Variants in ANKRD55 observed in about 807,000 individuals in gnomAD.
ANKRD55 encodes ankyrin repeat domain 55.
ANKRD55 carries 41 observed loss-of-function variants against 60.6 expected under a neutral mutation model. The ratio of observed to expected loss-of-function variants is 0.68; its 90% CI spans 0.53 to 0.88. The LOEUF (loss-of-function observed/expected upper bound fraction) is 0.88, where lower values mean the gene tolerates loss of function less well. ANKRD55 is among the 40% of genes least tolerant of loss of function. ANKRD55 has a pLI of 0.00. For synonymous variants in ANKRD55, 264 were observed against 290.3 expected (o/e 0.91, Z 0.92); for missense variants, 732 against 767.6 (o/e 0.95, Z 0.55).
At chr5:56,206,138 G>A (rs188839468) in intron 2 of ANKRD55, among the ~76,000 whole-genome samples, 2 of 151,688 alleles carry the variant, frequency 1.3e-5, no homozygotes, top group African/African-American at 4.8e-5. Flanking sequence ...ACCACGACTG[G>A]TTAATTTTTT....
chr5:56,111,487 T>C lies in ANKRD55; in HGVS notation c.1261A>G (p.Lys421Glu). ...AGCCCCTTACGGGCCAGCGGTTTCT[T>C]TTCTGGTAAGAGATATTTTGAATTG... The part of the protein sequence containing the change: ...SDNSKYLLPE[K>E]KPLARKGLPP... Residue 421 changes from lysine (K) to glutamate (E), a missense_variant, in exon 10 of 12, where the codon AAG (lysine) becomes GAG (glutamate). Physicochemically the swap from Lys to Glu is moderately conservative, Grantham distance 56 (BLOSUM62 1). Transcript: ENST00000341048. 1 of 1,614,170 alleles carries C rather than the reference T, an allele frequency of 6.2e-7. No individual in the cohort carries two copies. The highest frequency in any genetic ancestry group is 8.5e-7 in the Non-Finnish European group (1 of 1,180,038).
chr5:56,121,460 C>T (rs962928978), intron 8 of ANKRD55, among the ~76,000 whole-genome samples: 1 of 151,150 alleles, frequency 6.6e-6, no homozygotes, highest in East Asian at 1.9e-4. Flanking sequence ...GCAACCTCCG[C>T]CCCTGGGGTT....
At chr5:56,192,776 A>G in intron 2 of ANKRD55, 3 of 1,045,984 alleles carry the variant, frequency 2.9e-6, no homozygotes, top group Non-Finnish European at 2.9e-6. Flanking sequence ...AGATGAGAAC[A>G]CAGACATCGC....
At chr5:56,228,342 CAG>C (rs1046453633) in intron 2 of ANKRD55, among the ~76,000 whole-genome samples, 2 of 151,764 alleles carry the variant, frequency 1.3e-5, no homozygotes, top group Non-Finnish European at 2.9e-5. Flanking sequence ...TGGCAGAGAC[CAG>C]AGTGATGAGG....
chr5:56,148,589 C>A (rs1042350581), intron 6 of ANKRD55, among the ~76,000 whole-genome samples: 1 of 151,914 alleles, frequency 6.6e-6, no homozygotes, highest in African/African-American at 2.4e-5. Flanking sequence ...AGTAATTCTG[C>A]GCCTTGAACC....
At chr5:56,120,690 G>A (rs1231669504) in intron 8 of ANKRD55, among the ~76,000 whole-genome samples, 1 of 152,090 alleles carries the variant, frequency 6.6e-6, no homozygotes, top group African/African-American at 2.4e-5. Flanking sequence ...ACGAGGTCAG[G>A]AGATCGAGAC....
chr5:56,100,461 G>GTA (rs1366139599), intron 11 of ANKRD55, among the ~76,000 whole-genome samples, 157 bp from the exon 12 acceptor site: 1 of 152,150 alleles, frequency 6.6e-6, no homozygotes, highest in African/African-American at 2.4e-5. Context: ...TGTATATCTT[G>GTA]TATATATATC....
At chr5:56,122,403 C>A (rs1368131305) in intron 8 of ANKRD55, among the ~76,000 whole-genome samples, 7 of 152,074 alleles carry the variant, frequency 4.6e-5, no homozygotes, top group African/African-American at 1.7e-4. Context: ...AGAATCCCAG[C>A]ACTTCGGGAG....
intron 10 of ANKRD55, among the ~76,000 whole-genome samples, chr5:56,104,096 A>G (rs1171616884): frequency 1.3e-5 from 2 of 152,210 alleles, no homozygotes; most frequent in African/African-American, 2.4e-5. Context: ...GCGAACAACT[A>G]TTTATCCATG....
chr5:56,143,859 C>T lies in ANKRD55; in HGVS notation c.554G>A (p.Gly185Glu), dbSNP rs878964772. The T allele has an allele frequency of 6.2e-7, 1 of 1,614,136 alleles. No homozygotes were observed. The highest frequency in any genetic ancestry group is 8.5e-7 in the Non-Finnish European group (1 of 1,180,020). Residue 185 changes from glycine to glutamate, a missense_variant, in exon 7 of 12, where the codon GGG (glycine) becomes GAG (glutamate). Physicochemically the swap from Gly to Glu is moderately conservative, Grantham distance 98 (BLOSUM62 -2). This residue lies in a region of ANKRD55 where 597 missense variants were observed against 607.5 expected (regional missense o/e 0.98). Coordinates refer to ENST00000341048, the MANE Select transcript of ANKRD55 (RefSeq NM_024669.3). ...TTTATCCACAAGGGTGGGGTCTGCC[C>T]CCTTCTTCAGCAGCATTTGTGTGTG... ...PQHTQMLLKK[G>E]ADPTLVDKDF...
Position 56,133,433 on chromosome 5 carries a change from C to T in ANKRD55, c.613-6327G>A, listed in dbSNP as rs76831207. ...CAGCCTGGGTGACAGAGGAAGACTC[C>T]GTCTCAAAAAAAAAAAAAAACAATT... On this transcript the variant is annotated intron_variant, in intron 7 of 11. Coordinates refer to ENST00000341048, the MANE Select transcript of ANKRD55 (RefSeq NM_024669.3). 4.9e-4 allele frequency among the ~76,000 whole-genome samples: 12 copies of T among 24,372 alleles called. 1 individual carries two copies. The highest frequency in any genetic ancestry group is 1.1e-3 in the African/African-American group (8 of 7,438). The allele number at this position is 24,372 out of a possible 152,430, so 16.0% of individuals were successfully genotyped here. A position where few individuals can be genotyped will look rare whatever the true frequency, so the allele number is the denominator to read the frequency against.
Position 56,176,180 on chromosome 5 carries a change from C to T in ANKRD55, c.284G>A (p.Arg95His), listed in dbSNP as rs201977310. Residue 95 changes from arginine (R) to histidine (H), a missense_variant, in exon 4 of 12, where the codon CGC (arginine) becomes CAC (histidine). By Grantham distance (29) the Arg-to-His change is conservative. This residue lies in a region of ANKRD55 where 131 missense variants were observed against 142.7 expected (regional missense o/e 0.92). Transcript: ENST00000341048. ...ANINMQDAYG[R>H]TSLCLATYLG... Reference sequence around the variant, plus strand: ...GTAGGTGGCCAGGCATAAACTTGTGCGGCCATAAGCATCCTGCATGTTAAT... The same window carrying T: ...GTAGGTGGCCAGGCATAAACTTGTGTGGCCATAAGCATCCTGCATGTTAAT... The T allele has an allele frequency of 5.6e-5, 91 of 1,614,026 alleles. No homozygotes were observed. Among genetic ancestry groups the T allele is most frequent in the East Asian group, 6.7e-5 (3 of 44,892 alleles).
At chr5:56,147,154 T>C (rs1160356710) in intron 6 of ANKRD55, among the ~76,000 whole-genome samples, 1 of 152,150 alleles carries the variant, frequency 6.6e-6, no homozygotes, top group African/African-American at 2.4e-5. Context: ...AATCTTTACA[T>C]GATCCTAAGG....
At chr5:56,181,625 C>T (rs1758850530) in intron 3 of ANKRD55, among the ~76,000 whole-genome samples, 1 of 152,160 alleles carries the variant, frequency 6.6e-6, no homozygotes. Context: ...GAGTCTCGCT[C>T]TGTCACCCAG....
intron 6 of ANKRD55, 34 bp from the exon 7 acceptor site, chr5:56,143,963 G>A: frequency 6.2e-7 from 1 of 1,611,936 alleles, no homozygotes; most frequent in Non-Finnish European, 8.5e-7. Flanking sequence ...ACAGAGATGA[G>A]CACAGGCTCC....
intron 2 of ANKRD55, among the ~76,000 whole-genome samples, chr5:56,219,590 T>A (rs553804510): frequency 1.1e-4 from 17 of 152,348 alleles, no homozygotes; most frequent in Non-Finnish European, 1.9e-4. Flanking sequence ...AAATCTGACA[T>A]GTAGATCATT....
intron 2 of ANKRD55, among the ~76,000 whole-genome samples, chr5:56,199,808 A>T (rs36754): frequency 6.6e-6 from 1 of 150,774 alleles, no homozygotes; most frequent in Non-Finnish European, 1.5e-5. Flanking sequence ...GGAGAATGGC[A>T]TGAACCCGGG....
chr5:56,110,922 A>G (rs1756671194), intron 10 of ANKRD55, 196 bp downstream of exon 10: 1 of 616,668 alleles, frequency 1.6e-6, no homozygotes, highest in Non-Finnish European at 2.8e-6. Context: ...TTACTTGAAG[A>G]GGGGAGAAGC....
At chr5:56,160,305 C>T (rs1758294770) in intron 5 of ANKRD55, among the ~76,000 whole-genome samples, 2 of 152,234 alleles carry the variant, frequency 1.3e-5, no homozygotes, top group African/African-American at 2.4e-5. Context: ...GTGGCACGAA[C>T]TTGGCTCACT....
Sources: gnomAD v4.1 joint callset for allele counts (sites outside exome capture counted in the v4.1 genomes callset) on GRCh38, gnomAD v4.1.1 for gene constraint, gnomAD v4.1.1 regional missense constraint, MANE v1.5 for transcripts, NCBI Gene and HGNC (gene_info 2026-07-23, HGNC 2026-07-21) for gene names.